Variants in APLP1 observed in about 807,000 individuals in gnomAD.
APLP1 encodes amyloid beta (A4) precursor-like protein 1.
A neutral mutation model predicts 84.5 loss-of-function variants in APLP1; 46 were observed. The observed-to-expected ratio is 0.54, with a 90% CI of 0.43 to 0.70. The LOEUF (loss-of-function observed/expected upper bound fraction) is 0.70. APLP1 is among the 30% of genes least tolerant of loss of function. The probability of loss-of-function intolerance (pLI) is 0.00; values close to 1 mark genes in which losing one functional copy is unlikely to be tolerated. For missense variants in APLP1, 826 were observed against 900.2 expected, an observed-to-expected ratio of 0.92 and a Z score of 1.05; for synonymous variants, 376 against 364.0, an observed-to-expected ratio of 1.03 and a Z score of -0.38.
intron 16 of APLP1, 57 bp from the exon 17 acceptor site, chr19:35,879,286 T>C (rs1974361185): frequency 5.6e-6 from 9 of 1,609,608 alleles, no homozygotes; most frequent in Non-Finnish European, 7.6e-6. Context: ...CCTGAGAGAC[T>C]TGCGGGCAGT....
intron 13 of APLP1, 152 bp from the exon 14 acceptor site, chr19:35,878,432 G>A: frequency 1.3e-6 from 1 of 755,166 alleles, no homozygotes; most frequent in Non-Finnish European, 2.2e-6. Flanking sequence ...TGTAGTCCCA[G>A]CTGCTCAGGA....
In APLP1 at chr19:35,879,330, C is replaced by T; in HGVS notation, c.1858-13C>T. 6.2e-7 allele frequency: 1 copy of T among 1,613,786 alleles called. No individual in the cohort carries two copies. The highest frequency in any genetic ancestry group is 8.5e-7 in the Non-Finnish European group (1 of 1,179,890). ...CGCACCACACTGTCCTTTCCCTCCC[C>T]TGCTCGTTGCAGGTGGACCCCATGC... On this transcript the variant is annotated splice_polypyrimidine_tract_variant and intron_variant, in intron 16 of 16. Transcript: ENST00000221891.
In APLP1 at chr19:35,879,783, T is replaced by G; in HGVS notation, c.*342T>G. 3 of 244,284 alleles carry G rather than the reference T, an allele frequency of 1.2e-5. No individual in the cohort carries two copies. Among genetic ancestry groups the G allele is most frequent in the Non-Finnish European group, 2.4e-5 (3 of 126,358 alleles). 15.1% of individuals were successfully genotyped at this position (244,284 alleles called of 1,614,324 possible). On this transcript the variant is annotated 3_prime_UTR_variant, in exon 17 of 17. Coordinates refer to ENST00000221891, the MANE Select transcript of APLP1 (RefSeq NM_001024807.3). ...CTACTAACATCCCAATAAAGTCCTCTTCCCTACCAGGCCAGTCTGAGTCTC... is the reference window on the plus strand; with the variant it reads ...CTACTAACATCCCAATAAAGTCCTCGTCCCTACCAGGCCAGTCTGAGTCTC...
At chr19:35,871,214 C>G in intron 3 of APLP1, 23 bp from the exon 4 acceptor site, 3 of 1,606,632 alleles carry the variant, frequency 1.9e-6, no homozygotes, top group Non-Finnish European at 2.6e-6. Flanking sequence ...AGGATCTCAC[C>G]CTGGTGTCCC....
intron 11 of APLP1, among the ~76,000 whole-genome samples, chr19:35,877,318 G>A (rs1020113333): frequency 1.7e-4 from 26 of 151,794 alleles, no homozygotes; most frequent in African/African-American, 5.3e-4. Context: ...GTGAAACCCC[G>A]TCTTTACTAA....
intron 4 of APLP1, 111 bp from the exon 5 acceptor site, chr19:35,871,498 TAGA>T (rs1283568075): frequency 1.4e-6 from 2 of 1,445,942 alleles, no homozygotes; most frequent in Non-Finnish European, 1.9e-6. Context: ...CCCCTTCCTC[TAGA>T]AGCAGGAATC....
Position 35,868,721 on chromosome 19 carries a change from C to G in APLP1, c.85C>G (p.Leu29Val). 1.4e-6 allele frequency: 2 copies of G among 1,407,528 alleles called. No individual in the cohort carries two copies. The highest frequency in any genetic ancestry group is 1.8e-6 in the Non-Finnish European group (2 of 1,084,928). The allele number at this position is 1,407,528 out of a possible 1,614,324, so 87.2% of individuals were successfully genotyped here. ...GCCGCTGCTGCTGCCACTATTGCTG[C>G]TGCTTCTGCGCGCGCAGCCCGCCAT... ...PLPLLLPLLL[L>V]LLRAQPAIGS... The change falls in exon 1 of 17, where the codon CTG becomes GTG. Residue 29 changes from leucine to valine, a missense_variant. Physicochemically the swap from Leu to Val is conservative, Grantham distance 32 (BLOSUM62 1). Transcript: ENST00000221891. The surrounding 1 kb of genome is among the most constrained non-coding windows in gnomAD (Gnocchi z 5.2).
Position 35,868,680 on chromosome 19 carries a change from C to T in APLP1, c.44C>T (p.Pro15Leu). The T allele has an allele frequency of 1.4e-6, 2 of 1,406,168 alleles. No homozygotes were observed. Among genetic ancestry groups the T allele is most frequent in the Non-Finnish European group, 1.8e-6 (2 of 1,084,070 alleles). 87.1% of individuals were successfully genotyped at this position (1,406,168 alleles called of 1,614,324 possible). Reference sequence around the variant, plus strand: ...GCTGCTCGCGGTCTAAGTCGCCGCCCGGGCCAGCCGCCGCTGCCGCTGCTG... The same window carrying T: ...GCTGCTCGCGGTCTAAGTCGCCGCCTGGGCCAGCCGCCGCTGCCGCTGCTG... ...SPAARGLSRR[P>L]GQPPLPLLLP... Residue 15 changes from proline to leucine, a missense_variant, in exon 1 of 17, where the codon CCG becomes CTG. Physicochemically the swap from Pro to Leu is moderately conservative, Grantham distance 98. Coordinates refer to ENST00000221891, the MANE Select transcript of APLP1 (RefSeq NM_001024807.3). The surrounding 1 kb of genome is among the most constrained non-coding windows in gnomAD (Gnocchi z 5.2).
intron 14 of APLP1, 116 bp downstream of exon 14, chr19:35,878,770 C>T: frequency 6.5e-7 from 1 of 1,533,228 alleles, no homozygotes; most frequent in South Asian, 1.1e-5. Flanking sequence ...GAAGAGGGAG[C>T]TGAGGACGTG....
At chr19:35,878,525 G>A (rs1974332638) in intron 13 of APLP1, 59 bp from the exon 14 acceptor site, 5 of 1,578,116 alleles carry the variant, frequency 3.2e-6, no homozygotes, top group Non-Finnish European at 4.4e-6. Flanking sequence ...CAGCCTGGGT[G>A]ACAGAGTGAG....
intron 2 of APLP1, chr19:35,870,639 C>T: frequency 2.4e-6 from 1 of 425,376 alleles, no homozygotes; most frequent in Non-Finnish European, 4.1e-6. Flanking sequence ...CAAAAATTAG[C>T]CTGGCATGGT....
intron 14 of APLP1, 108 bp downstream of exon 14, chr19:35,878,762 AG>A (rs1974339069): frequency 1.2e-5 from 19 of 1,529,020 alleles, no homozygotes; most frequent in Non-Finnish European, 1.7e-5. Context: ...TCCTGAGGGA[AG>A]AGGGAGCTGA....
rs2146897622 is a variant in APLP1 at position 35,868,907 on chromosome 19, C to G, written c.147+124C>G. ...AGCCAGGTGGTCAGCCCCCAGGCGCCCCCAATCACATTTATGAACCCAGGG... is the reference window on the plus strand; with the variant it reads ...AGCCAGGTGGTCAGCCCCCAGGCGCGCCCAATCACATTTATGAACCCAGGG... On this transcript the variant is annotated intron_variant, in intron 1 of 16. Coordinates refer to ENST00000221891, the MANE Select transcript of APLP1 (RefSeq NM_001024807.3). The surrounding 1 kb of genome is among the most constrained non-coding windows in gnomAD (Gnocchi z 5.2). The G allele has an allele frequency of 1.2e-6, 1 of 843,858 alleles. No homozygotes were observed. The highest frequency in any genetic ancestry group is 4.4e-5 in the Admixed American group (1 of 22,738). 52.3% of individuals were successfully genotyped at this position (843,858 alleles called of 1,614,324 possible).
At position 35,872,407 on chromosome 19, in the gene APLP1, G is replaced by GT. The variant is rs1473085591; in HGVS notation, c.851-76_851-75insT. 4.5e-6 allele frequency: 7 copies of GT among 1,559,612 alleles called. No homozygotes were observed. In the African/African-American group the frequency reaches 9.5e-5, roughly 21 times the overall value. On this transcript the variant is annotated intron_variant, in intron 6 of 16. Transcript: ENST00000221891. Reference sequence around the variant, plus strand: ...CATGATGGTCTCCAGTGCACTCTAGGAAATGTGGTTCTCTAGGTAGAAAAG... The same window carrying GT: ...CATGATGGTCTCCAGTGCACTCTAGGTAAATGTGGTTCTCTAGGTAGAAAAG...
At chr19:35,869,626 A>G (rs1027799344) in intron 1 of APLP1, 41 bp from the exon 2 acceptor site, 8 of 1,605,110 alleles carry the variant, frequency 5.0e-6, no homozygotes, top group Non-Finnish European at 6.8e-6. Context: ...CCTCATGCCA[A>G]CGCCCCCCGA....
intron 2 of APLP1, among the ~76,000 whole-genome samples, chr19:35,870,025 G>T (rs1234010631): frequency 6.6e-6 from 1 of 152,084 alleles, no homozygotes; most frequent in Non-Finnish European, 1.5e-5. Context: ...TGGAATTTAG[G>T]AATCTGGTGG....
chr19:35,872,568 G>A lies in APLP1; in HGVS notation c.936G>A (p.Arg312=), dbSNP rs230261. The stretch of plus-strand genomic sequence containing the variant: ...TCAGTGAGCACGAGGGGTTCCTGAG[G>A]GCCAAGATGGACCTGGAGGAGCGTA... ...GEISEHEGFL[R]AKMDLEERRM... Residue 312 remains arginine (R), a synonymous_variant, in exon 7 of 17, where the codon AGG becomes AGA. Coordinates refer to ENST00000221891, the MANE Select transcript of APLP1 (RefSeq NM_001024807.3). The A allele has an allele frequency of 0.038, 60,608 of 1,613,788 alleles. 1,537 individuals carry two copies. Among genetic ancestry groups the A allele is most frequent in the African/African-American group, 0.12 (8,994 of 74,932 alleles).
Position 35,869,711 on chromosome 19 carries a change from C to A in APLP1, c.192C>A (p.Thr64=), listed in dbSNP as rs1974092214. The A allele has an allele frequency of 1.9e-6, 3 of 1,612,042 alleles. No homozygotes were observed. Among genetic ancestry groups the A allele is most frequent in the Non-Finnish European group, 2.5e-6 (3 of 1,179,590 alleles). Residue 64 remains threonine (T), a synonymous_variant, in exon 2 of 17, where the codon ACC becomes ACA. Transcript: ENST00000221891. ...TGGCTGGACTATGCGGGCGCCTAAC[C>A]CTTCACCGGGACCTGCGCACCGGCC... ...AQVAGLCGRL[T]LHRDLRTGRW...
At position 35,879,204 on chromosome 19, in the gene APLP1, A is replaced by G; in HGVS notation, c.1844A>G (p.His615Arg). Residue 615 changes from histidine to arginine, a missense_variant, in exon 16 of 17, where the codon CAT (histidine) becomes CGT (arginine). This residue lies in a region of APLP1 where 433 missense variants were observed against 496.5 expected (regional missense o/e 0.87). Transcript: ENST00000221891. ...RRKKPYGAIS[H>R]GVVEVDPMLT... ...AAGAAGCCCTACGGGGCTATCAGCC[A>G]TGGCGTGGTGGAGGTGAGAACCATG... The G allele has an allele frequency of 1.2e-6, 2 of 1,612,900 alleles. No individual in the cohort carries two copies. Among genetic ancestry groups the G allele is most frequent in the Non-Finnish European group, 1.7e-6 (2 of 1,179,866 alleles).
Sources: allele counts gnomAD v4.1 joint callset (sites outside exome capture counted in the v4.1 genomes callset), GRCh38; gene constraint gnomAD v4.1.1; regional missense constraint gnomAD v4.1.1; non-coding constraint Gnocchi (gnomAD v3.1); transcripts MANE v1.5; gene names NCBI Gene and HGNC (gene_info 2026-07-23, HGNC 2026-07-21).